Variants in AKT3 observed in about 807,000 individuals in gnomAD.
AKT3 encodes the protein AKT serine/threonine kinase 3.
AKT3 carries 15 observed loss-of-function variants against 65.3 expected under a neutral mutation model. The observed-to-expected ratio is 0.23, with a 90% CI of 0.15 to 0.35. AKT3 has a LOEUF of 0.35. AKT3 is among the 10% of genes least tolerant of loss of function. The probability of loss-of-function intolerance (pLI) is 1.00; values close to 1 mark genes in which losing one functional copy is unlikely to be tolerated. For missense variants in AKT3, 243 were observed against 576.5 expected (o/e 0.42, Z 5.92); for synonymous variants, 206 against 183.8 (o/e 1.12, Z -0.98).
chr1:243,497,361 A>T (rs1668249768), downstream of AKT3, among the ~76,000 whole-genome samples: 1 of 147,538 alleles, frequency 6.8e-6, no homozygotes, highest in East Asian at 2.0e-4. Context: ...TTGAGCAGTG[A>T]ACGGTAAGTT....
intron 3 of AKT3, among the ~76,000 whole-genome samples, chr1:243,673,859 C>T (rs897396458): frequency 6.6e-6 from 1 of 152,100 alleles, no homozygotes; most frequent in Non-Finnish European, 1.5e-5. Flanking sequence ...GTGATCCACC[C>T]ACCTCAGCCT....
intron 8 of AKT3, among the ~76,000 whole-genome samples, chr1:243,611,881 G>A (rs1677897784): frequency 6.6e-6 from 1 of 152,132 alleles, no homozygotes; most frequent in South Asian, 2.1e-4. Flanking sequence ...TTCCCTGGGT[G>A]AAATCTCATT....
chr1:243,580,107 C>T (rs2148522112), intron 8 of AKT3, among the ~76,000 whole-genome samples: 1 of 152,208 alleles, frequency 6.6e-6, no homozygotes, highest in African/African-American at 2.4e-5. Flanking sequence ...AGCAAGATAG[C>T]AGATAAAGAT....
intron 11 of AKT3, among the ~76,000 whole-genome samples, chr1:243,549,685 A>G (rs879409304): frequency 6.6e-6 from 1 of 152,006 alleles, no homozygotes; most frequent in African/African-American, 2.4e-5. Flanking sequence ...TCGGCCTCCC[A>G]AAGTGCGGGG....
chr1:243,642,504 T>C (rs1162111641), intron 5 of AKT3, among the ~76,000 whole-genome samples: 1 of 152,118 alleles, frequency 6.6e-6, no homozygotes, highest in Non-Finnish European at 1.5e-5. Context: ...AGAGACGGGG[T>C]TTCACCGTGT....
chr1:243,636,910 A>T (rs1680015368), intron 6 of AKT3, among the ~76,000 whole-genome samples: 1 of 152,086 alleles, frequency 6.6e-6, no homozygotes, highest in African/African-American at 2.4e-5. Flanking sequence ...GGGGCAATAC[A>T]CTCCAGATGA....
intron 5 of AKT3, among the ~76,000 whole-genome samples, chr1:243,641,173 C>T (rs899280039): frequency 2.0e-5 from 3 of 151,356 alleles, no homozygotes; most frequent in Non-Finnish European, 4.4e-5. Context: ...GGCTTCCTTG[C>T]TCCTCAGTTT....
intron 4 of AKT3, among the ~76,000 whole-genome samples, chr1:243,655,768 A>G (rs12691547): frequency 0.55 from 84,207 of 151,826 alleles, 26,581 homozygotes; most frequent in Non-Finnish European, 0.72. Context: ...GTGGTTTACC[A>G]TGTCTCCTCT....
intron 2 of AKT3, among the ~76,000 whole-genome samples, chr1:243,828,065 A>AAACAACAACAAC (rs60497718): frequency 6.6e-6 from 1 of 150,604 alleles, no homozygotes; most frequent in Non-Finnish European, 1.5e-5. Context: ...AATGTTTTAA[A>AAACAACAACAAC]AACAACAACA....
intron 2 of AKT3, among the ~76,000 whole-genome samples, chr1:243,832,605 A>T (rs184704631): frequency 1.3e-4 from 20 of 152,304 alleles, no homozygotes; most frequent in Non-Finnish European, 5.9e-5. Flanking sequence ...GACTGTAAAG[A>T]AGGGAGCTAC....
intron 4 of AKT3, among the ~76,000 whole-genome samples, chr1:243,663,355 T>C (rs1343598521): frequency 1.3e-5 from 2 of 151,720 alleles, no homozygotes; most frequent in Admixed American, 6.6e-5. Context: ...TTAGTGATTA[T>C]GGATTATGGG....
chr1:243,537,040 A>G (rs183631323), intron 12 of AKT3, among the ~76,000 whole-genome samples: 2 of 152,284 alleles, frequency 1.3e-5, no homozygotes, highest in Admixed American at 6.5e-5. Context: ...TTCAGGCTGA[A>G]TATCTCAACC....
At position 243,581,233 on chromosome 1, in the gene AKT3, C is replaced by T. The variant is rs976211854; in HGVS notation, c.697-8185G>A. On this transcript the variant is annotated intron_variant, in intron 8 of 13. Transcript: ENST00000673466. ...ACCTGTCAGGTCTGGCCCTGCCATT[C>T]CTGCCCTCTGCCAACCCCCTGACCC... Among the ~76,000 whole-genome samples, 15 of 152,336 alleles carry T rather than the reference C, an allele frequency of 9.8e-5. No individual in the cohort carries two copies. In the East Asian group the frequency reaches 2.1e-3, roughly 22 times the overall value.
chr1:243,704,995 G>T (rs1006261718), intron 2 of AKT3, among the ~76,000 whole-genome samples: 1 of 152,028 alleles, frequency 6.6e-6, no homozygotes, highest in Non-Finnish European at 1.5e-5. Context: ...TACAATTTTC[G>T]TGATTTTGTG....
intron 2 of AKT3, among the ~76,000 whole-genome samples, chr1:243,772,747 T>C (rs191941320): frequency 1.5e-4 from 23 of 152,274 alleles, no homozygotes; most frequent in Middle Eastern, 3.4e-3. Context: ...CATATGTTTA[T>C]TGAGGCACTA....
chr1:243,819,503 C>A (rs961221039), intron 2 of AKT3, among the ~76,000 whole-genome samples: 1 of 152,184 alleles, frequency 6.6e-6, no homozygotes, highest in Admixed American at 6.5e-5. Context: ...CCCTGGGACT[C>A]AGCCCCTGCG....
chr1:243,601,659 C>T (rs574712964), intron 8 of AKT3, among the ~76,000 whole-genome samples: 14 of 152,172 alleles, frequency 9.2e-5, no homozygotes, highest in Non-Finnish European at 1.3e-4. Flanking sequence ...ATGTAAAGAA[C>T]CCAAACGTCT....
intron 4 of AKT3, among the ~76,000 whole-genome samples, chr1:243,648,358 T>C (rs540835205): frequency 6.6e-6 from 1 of 152,324 alleles, no homozygotes; most frequent in Non-Finnish European, 1.5e-5. Context: ...CTTTATCATA[T>C]TAATATGGTG....
At chr1:243,835,373 G>A (rs940802758) in intron 2 of AKT3, among the ~76,000 whole-genome samples, 1 of 151,628 alleles carries the variant, frequency 6.6e-6, no homozygotes, top group Non-Finnish European at 1.5e-5. Flanking sequence ...CTACCTATAG[G>A]GTACTATGTT....
Sources: allele counts gnomAD v4.1 joint callset (sites outside exome capture counted in the v4.1 genomes callset), GRCh38; gene constraint gnomAD v4.1.1; transcripts MANE v1.5; gene names NCBI Gene and HGNC (gene_info 2026-07-23, HGNC 2026-07-21).